The following RGS6 variants were observed in gnomAD, a reference collection of about 807,000 sequenced individuals.
The protein encoded by RGS6 is regulator of G-protein signaling 6.
A neutral mutation model predicts 78.5 loss-of-function variants in RGS6; 30 were observed. That is an observed-to-expected ratio of 0.38 (90% CI 0.29 to 0.52). The LOEUF (loss-of-function observed/expected upper bound fraction) is 0.52. Ranked by LOEUF, RGS6 falls within the 20% of genes least tolerant of loss-of-function variation. RGS6 has a pLI of 0.85. For missense variants in RGS6, 495 were observed against 609.7 expected, an observed-to-expected ratio of 0.81 and a Z score of 1.98; for synonymous variants, 206 against 206.0, an observed-to-expected ratio of 1.00 and a Z score of 0.00.
chr14:71,876,473 CTTTTTTTTTTTTTTTTT>C, the RGS6 span, among the ~76,000 whole-genome samples: 37 of 72,484 alleles, frequency 5.1e-4, no homozygotes, highest in Middle Eastern at 6.1e-3. Flanking sequence ...GCAACCGCTG[CTTTTTTTTTTTTTTTTT>C]TTTTTTTTTT....
At chr14:71,920,173 T>C in the RGS6 span, among the ~76,000 whole-genome samples, 1 of 152,168 alleles carries the variant, frequency 6.6e-6, no homozygotes, top group Non-Finnish European at 1.5e-5. Context: ...ACGCAGGTCT[T>C]TGAGATTAAT....
chr14:72,354,476 A>AG (rs2079826991), intron 3 of RGS6, among the ~76,000 whole-genome samples: 2 of 151,476 alleles, frequency 1.3e-5, no homozygotes. Flanking sequence ...AAATACAAAA[A>AG]AAAAAAAAAA....
At chr14:72,406,366 G>A (rs2092927444) in intron 3 of RGS6, among the ~76,000 whole-genome samples, 1 of 151,812 alleles carries the variant, frequency 6.6e-6, no homozygotes, top group Non-Finnish European at 1.5e-5. Context: ...CCTGGTGACA[G>A]AGTGAGACTC....
At chr14:72,135,613 T>C (rs1242223524) in intron 2 of RGS6, among the ~76,000 whole-genome samples, 1 of 151,252 alleles carries the variant, frequency 6.6e-6, no homozygotes, top group Non-Finnish European at 1.5e-5. Context: ...AGTAGCCTAA[T>C]ATTCTTTTTT....
the RGS6 span, chr14:72,629,639 C>A: frequency 1.3e-6 from 2 of 1,535,690 alleles, no homozygotes; most frequent in Non-Finnish European, 1.7e-6. Context: ...TCTCTGAGGT[C>A]CCACAGAGGA....
chr14:72,247,011 C>T (rs2054393529), intron 2 of RGS6, among the ~76,000 whole-genome samples: 1 of 152,098 alleles, frequency 6.6e-6, no homozygotes, highest in Non-Finnish European at 1.5e-5. Context: ...CCCTGTGTTC[C>T]TGCACACCTG....
chr14:71,959,501 G>C (rs1036048680), intron 1 of RGS6, among the ~76,000 whole-genome samples: 3 of 152,192 alleles, frequency 2.0e-5, no homozygotes, highest in Non-Finnish European at 4.4e-5. Flanking sequence ...TCCCTGAATA[G>C]GGTTTTGAGG....
chr14:72,208,139 C>T (rs1831846521), intron 2 of RGS6, among the ~76,000 whole-genome samples: 1 of 152,198 alleles, frequency 6.6e-6, no homozygotes, highest in Non-Finnish European at 1.5e-5. Flanking sequence ...GAACACAAAA[C>T]CCGATTTGAG....
At chr14:72,599,393 C>CTTTTGTTT in the RGS6 span, among the ~76,000 whole-genome samples, 35 of 78,228 alleles carry the variant, frequency 4.5e-4, 4 homozygotes, top group African/African-American at 1.6e-3. Context: ...CTTTTCTTTC[C>CTTTTGTTT]TTTTTTTTTT....
intron 2 of RGS6, among the ~76,000 whole-genome samples, chr14:72,205,904 G>A (rs748120435): frequency 2.6e-5 from 4 of 152,202 alleles, no homozygotes; most frequent in Non-Finnish European, 4.4e-5. Context: ...GTCATGGACT[G>A]TTTTCTGCTG....
chr14:71,898,319 C>T, the RGS6 span, among the ~76,000 whole-genome samples: 10 of 152,140 alleles, frequency 6.6e-5, no homozygotes, highest in Non-Finnish European at 1.3e-4. Flanking sequence ...CAACCACCAT[C>T]TTACTCTTTT....
At chr14:72,253,803 C>T (rs2056430837) in intron 2 of RGS6, among the ~76,000 whole-genome samples, 1 of 152,152 alleles carries the variant, frequency 6.6e-6, no homozygotes, top group African/African-American at 2.4e-5. Context: ...GGACATTCAG[C>T]ATAACTAAGA....
chr14:72,221,686 G>A (rs1200508810), intron 2 of RGS6, among the ~76,000 whole-genome samples: 1 of 152,120 alleles, frequency 6.6e-6, no homozygotes, highest in African/African-American at 2.4e-5. Flanking sequence ...CAGTGATGAT[G>A]CAAAAATGTA....
At chr14:71,967,110 A>G (rs538253134) in intron 2 of RGS6, among the ~76,000 whole-genome samples, 2 of 151,860 alleles carry the variant, frequency 1.3e-5, no homozygotes, top group East Asian at 3.9e-4. Context: ...CTAACATGTC[A>G]ATTGCTGTAG....
chr14:71,938,111 C>T (rs572442642), intron 1 of RGS6, among the ~76,000 whole-genome samples: 1 of 152,290 alleles, frequency 6.6e-6, no homozygotes, highest in South Asian at 2.1e-4. Flanking sequence ...TCATCCTATT[C>T]ACCTGATTAT....
At chr14:72,010,705 G>T (rs1441401593) in intron 2 of RGS6, among the ~76,000 whole-genome samples, 1 of 152,124 alleles carries the variant, frequency 6.6e-6, no homozygotes, top group Non-Finnish European at 1.5e-5. Flanking sequence ...AATAAATCAG[G>T]GGAGGAAGAT....
chr14:71,922,123 C>T, the RGS6 span, among the ~76,000 whole-genome samples: 1 of 152,218 alleles, frequency 6.6e-6, no homozygotes, highest in South Asian at 2.1e-4. Flanking sequence ...AAGTGCTGTT[C>T]TCCAGCAAAC....
the RGS6 span, among the ~76,000 whole-genome samples, chr14:71,902,755 A>C: frequency 1.3e-5 from 2 of 152,202 alleles, no homozygotes; most frequent in Non-Finnish European, 2.9e-5. Context: ...TGTGGTATTT[A>C]TTTAGAGGCA....
chr14:71,881,178 G>A, the RGS6 span, among the ~76,000 whole-genome samples: 1 of 152,200 alleles, frequency 6.6e-6, no homozygotes, highest in South Asian at 2.1e-4. Flanking sequence ...CCCAATGCCT[G>A]TACCCCCCTT....
Sources: allele counts gnomAD v4.1 joint callset (sites outside exome capture counted in the v4.1 genomes callset), GRCh38; gene constraint gnomAD v4.1.1; transcripts MANE v1.5; gene names NCBI Gene and HGNC (gene_info 2026-07-23, HGNC 2026-07-21).